TNS3: variants seen among roughly 807,000 people sequenced by gnomAD.
TNS3 encodes the protein tensin 3, also known as tensin-3.
TNS3 carries 45 observed loss-of-function variants against 140.9 expected under a neutral mutation model. The observed-to-expected ratio is 0.32, with a 90% CI of 0.25 to 0.41. The LOEUF is 0.41. Ranked by LOEUF, TNS3 falls within the 10% of genes least tolerant of loss-of-function variation. TNS3 has a pLI of 1.00. For missense variants in TNS3, 1,716 were observed against 1,906.7 expected (o/e 0.90, Z 1.86); for synonymous variants, 815 against 788.4 (o/e 1.03, Z -0.56).
At chr7:47,542,884 C>T (rs1036220069) in intron 1 of TNS3, among the ~76,000 whole-genome samples, 5 of 147,800 alleles carry the variant, frequency 3.4e-5, no homozygotes, top group Non-Finnish European at 4.4e-5. Flanking sequence ...GAGCCGAGAT[C>T]ACGCCATTGC....
chr7:47,338,031 G>A (rs1788731591), intron 20 of TNS3, among the ~76,000 whole-genome samples: 2 of 152,186 alleles, frequency 1.3e-5, no homozygotes, highest in Admixed American at 1.3e-4. Context: ...GGGTTGTTGT[G>A]TGTATGAATA....
chr7:47,469,973 C>CTAAA (rs1796881646), intron 4 of TNS3, among the ~76,000 whole-genome samples: 1 of 64,904 alleles, frequency 1.5e-5, no homozygotes, highest in African/African-American at 8.2e-5. Context: ...AACTCTGTCT[C>CTAAA]AAAAAAAAAA....
intron 20 of TNS3, among the ~76,000 whole-genome samples, chr7:47,336,301 A>G (rs1310708808): frequency 6.6e-6 from 1 of 152,062 alleles, no homozygotes; most frequent in African/African-American, 2.4e-5. Context: ...GGTGTAAACA[A>G]TCCCGCCCTG....
At chr7:47,412,013 C>T (rs1166307904) in intron 12 of TNS3, among the ~76,000 whole-genome samples, 1 of 152,154 alleles carries the variant, frequency 6.6e-6, no homozygotes, top group Non-Finnish European at 1.5e-5. Context: ...TCATCATGGT[C>T]AGTGACTGAC....
chr7:47,368,314 C>T (rs957459464), intron 17 of TNS3, 51 bp downstream of exon 17: 2 of 1,419,942 alleles, frequency 1.4e-6, no homozygotes, highest in East Asian at 5.1e-5. Flanking sequence ...CACACATTAG[C>T]CTCCCGTGGA....
At chr7:47,480,845 C>T (rs189698057) in intron 4 of TNS3, among the ~76,000 whole-genome samples, 191 of 152,304 alleles carry the variant, frequency 1.3e-3, no homozygotes, top group Admixed American at 3.1e-3. Flanking sequence ...AGATTCGCCC[C>T]GAAGGTAACT....
chr7:47,479,608 T>C (rs552088979), intron 4 of TNS3, among the ~76,000 whole-genome samples: 21 of 152,152 alleles, frequency 1.4e-4, no homozygotes, highest in Non-Finnish European at 2.4e-4. Flanking sequence ...CGGCCTCAGC[T>C]CTTGATGCTG....
At chr7:47,535,804 CG>C (rs1205206325) in intron 1 of TNS3, among the ~76,000 whole-genome samples, 2 of 152,228 alleles carry the variant, frequency 1.3e-5, no homozygotes, top group East Asian at 1.9e-4. Flanking sequence ...AGGGATCTCT[CG>C]GATAGGTTCT....
At chr7:47,414,547 G>A (rs915421851) in intron 11 of TNS3, among the ~76,000 whole-genome samples, 1 of 152,172 alleles carries the variant, frequency 6.6e-6, no homozygotes, top group African/African-American at 2.4e-5. Flanking sequence ...CACCTTTGGG[G>A]AACTGGGGAT....
At chr7:47,572,021 A>G (rs1166749323) in intron 1 of TNS3, among the ~76,000 whole-genome samples, 1 of 152,234 alleles carries the variant, frequency 6.6e-6, no homozygotes. Context: ...GCAACTCCGC[A>G]GGGCATGACC....
chr7:47,519,229 T>A (rs1798881702), intron 2 of TNS3, among the ~76,000 whole-genome samples: 1 of 151,654 alleles, frequency 6.6e-6, no homozygotes, highest in African/African-American at 2.4e-5. Context: ...TACCTTGTTG[T>A]TAACCTGCCC....
At chr7:47,360,584 G>C (rs750945000) in intron 17 of TNS3, among the ~76,000 whole-genome samples, 6 of 152,164 alleles carry the variant, frequency 3.9e-5, no homozygotes, top group South Asian at 2.1e-4. Context: ...CTCCCTGGAG[G>C]GGGTGGTGGC....
intron 3 of TNS3, among the ~76,000 whole-genome samples, chr7:47,493,387 G>C (rs1423607230): frequency 6.6e-6 from 1 of 152,188 alleles, no homozygotes; most frequent in Non-Finnish European, 1.5e-5. Flanking sequence ...ACATACAACA[G>C]TTATTCAGGG....
At chr7:47,349,891 A>C (rs1666521266) in intron 17 of TNS3, among the ~76,000 whole-genome samples, 1 of 152,262 alleles carries the variant, frequency 6.6e-6, no homozygotes, top group South Asian at 2.1e-4. Flanking sequence ...AGGTGCTCTC[A>C]TAGAGAAAAG....
In TNS3 at chr7:47,491,451, G is replaced by A. The variant is rs530326824; in HGVS notation, c.-114-10310C>T. On this transcript the variant is annotated intron_variant, in intron 3 of 30. Transcript: ENST00000311160. ...TGACATAGGGATAATACGACCTCGC[G>A]GGGTGGATGTGAACCTCAAGCTCAT... 1.4e-4 allele frequency among the ~76,000 whole-genome samples: 21 copies of A among 152,198 alleles called. 1 individual carries two copies. The South Asian group carries it at 3.3e-3, about 24-fold the overall frequency.
At chr7:47,390,636 T>C (rs949008984) in intron 16 of TNS3, among the ~76,000 whole-genome samples, 2 of 152,170 alleles carry the variant, frequency 1.3e-5, no homozygotes, top group Non-Finnish European at 2.9e-5. Flanking sequence ...ATTGGTAAGT[T>C]TGAGCTGCAC....
At position 47,405,445 on chromosome 7, in the gene TNS3, G is replaced by C; in HGVS notation, c.724-4531C>G. On this transcript the variant is annotated intron_variant, in intron 13 of 30. Transcript: ENST00000311160. Reference sequence around the variant, plus strand: ...CGCATATTTGGAGGGTAAAAAGTTAGATAGCTAAGCCCCATAGGTCAAAGA... The same window carrying C: ...CGCATATTTGGAGGGTAAAAAGTTACATAGCTAAGCCCCATAGGTCAAAGA... The C allele has an allele frequency of 7.2e-6, 5 of 695,674 alleles. No homozygotes were observed. In the South Asian group the frequency reaches 7.5e-5, roughly 10 times the overall value. The allele number at this position is 695,674 out of a possible 1,614,324, so 43.1% of individuals were successfully genotyped here. A position where few individuals can be genotyped will look rare whatever the true frequency, so the allele number is the denominator to read the frequency against.
chr7:47,296,687 T>TA (rs1475243599), intron 24 of TNS3, among the ~76,000 whole-genome samples: 3 of 152,262 alleles, frequency 2.0e-5, no homozygotes, highest in South Asian at 2.1e-4. Context: ...AGTTTTCATA[T>TA]AAAAAATGTG....
At chr7:47,565,001 A>G (rs1233123452) in intron 1 of TNS3, among the ~76,000 whole-genome samples, 1 of 152,144 alleles carries the variant, frequency 6.6e-6, no homozygotes. Context: ...CTGCATCTCT[A>G]TGGTGAAGAA....
Sources: allele counts gnomAD v4.1 joint callset (sites outside exome capture counted in the v4.1 genomes callset), GRCh38; gene constraint gnomAD v4.1.1; transcripts MANE v1.5; gene names NCBI Gene and HGNC (gene_info 2026-07-23, HGNC 2026-07-21).